The following BRD9 variants were observed in gnomAD, a reference collection of about 807,000 sequenced individuals.
BRD9 encodes bromodomain-containing protein 9.
A neutral mutation model predicts 68.7 loss-of-function variants in BRD9; 47 were observed. That is an observed-to-expected ratio of 0.68 (90% CI 0.54 to 0.87). The LOEUF is 0.87. Among genes scored for constraint, BRD9 ranks in the 40% least tolerant of loss-of-function variants. The probability of loss-of-function intolerance (pLI) is 0.00; values close to 1 mark genes in which losing one functional copy is unlikely to be tolerated. For missense variants in BRD9, 670 were observed against 748.4 expected, an observed-to-expected ratio of 0.90 and a Z score of 1.22; for synonymous variants, 313 against 293.9, an observed-to-expected ratio of 1.06 and a Z score of -0.67.
intron 12 of BRD9, among the ~76,000 whole-genome samples, chr5:873,696 G>A (rs967314573): frequency 6.6e-6 from 1 of 152,162 alleles, no homozygotes; most frequent in Non-Finnish European, 1.5e-5. Flanking sequence ...TCCTTTCTAT[G>A]ACAAAACCTC....
chr5:886,866 G>T, intron 6 of BRD9, 159 bp from the exon 7 acceptor site: 1 of 1,304,658 alleles, frequency 7.7e-7, no homozygotes, highest in Non-Finnish European at 1.0e-6. Context: ...AGCCTCACCT[G>T]GCCTAAGAGC....
Position 865,834 on chromosome 5 carries a change from G to A in BRD9, c.1526-253C>T, listed in dbSNP as rs557991832. 1.9e-3 allele frequency: 818 copies of A among 428,124 alleles called. 6 individuals carry two copies. The highest frequency in any genetic ancestry group is 0.015 in the African/African-American group (768 of 49,804). The allele number at this position is 428,124 out of a possible 1,614,324, so 26.5% of individuals were successfully genotyped here. On this transcript the variant is annotated intron_variant, in intron 14 of 15. Coordinates refer to ENST00000467963, the MANE Select transcript of BRD9 (RefSeq NM_023924.5). ...AAAGCATCAGACAAGACCTAGCACCGCACAGACCACGTCATGGCACGCACA... is the reference window on the plus strand; with the variant it reads ...AAAGCATCAGACAAGACCTAGCACCACACAGACCACGTCATGGCACGCACA...
At position 883,725 on chromosome 5, in the gene BRD9, T is replaced by C. The variant is rs1284186754; in HGVS notation, c.966+213A>G. ...GTGACCACGTGGCCTCCACGATGCA[T>C]GAAACACCAGCGGCAGCCCTGCCAG... is the stretch of plus-strand genomic sequence containing the variant. On this transcript the variant is annotated intron_variant, in intron 8 of 15. Coordinates refer to ENST00000467963, the MANE Select transcript of BRD9 (RefSeq NM_023924.5). The C allele has an allele frequency of 4.7e-6, 3 of 644,130 alleles. No homozygotes were observed. In the Admixed American group the frequency reaches 9.1e-5, roughly 20 times the overall value. The allele number at this position is 644,130 out of a possible 1,614,324, so 39.9% of individuals were successfully genotyped here.
chr5:873,598 C>T (rs544167763), intron 12 of BRD9, among the ~76,000 whole-genome samples: 1 of 152,346 alleles, frequency 6.6e-6, no homozygotes, highest in Admixed American at 6.5e-5. Context: ...CCCCGCTTTA[C>T]AAGCCTTGCC....
At chr5:878,597 C>G in intron 10 of BRD9, 110 bp from the exon 11 acceptor site, 1 of 1,454,930 alleles carries the variant, frequency 6.9e-7, no homozygotes. Flanking sequence ...AGCCAGCACC[C>G]CAGTCTCACC....
At position 891,052 on chromosome 5, in the gene BRD9, T is replaced by C. The variant is rs953335341; in HGVS notation, c.400+103A>G. 4.3e-6 allele frequency: 6 copies of C among 1,380,392 alleles called. No individual in the cohort carries two copies. The African/African-American group carries it at 8.8e-5, about 20-fold the overall frequency. The allele number at this position is 1,380,392 out of a possible 1,614,324, so 85.5% of individuals were successfully genotyped here. A position where few individuals can be genotyped will look rare whatever the true frequency, so the allele number is the denominator to read the frequency against. Reference sequence around the variant, plus strand: ...GAGGCCCTGGAAATACCAGCTCTCCTCCCTCCCATGCTTCTCCCCAAAGCA... The same window carrying C: ...GAGGCCCTGGAAATACCAGCTCTCCCCCCTCCCATGCTTCTCCCCAAAGCA... On this transcript the variant is annotated intron_variant, in intron 3 of 15. Coordinates refer to ENST00000467963, the MANE Select transcript of BRD9 (RefSeq NM_023924.5).
At chr5:892,497 C>G (rs1228018818) in intron 1 of BRD9, 109 bp downstream of exon 1, 2 of 1,473,372 alleles carry the variant, frequency 1.4e-6, no homozygotes, top group South Asian at 2.7e-5. Flanking sequence ...ACCCCTCCCT[C>G]GTGGCCAGGA....
intron 5 of BRD9, among the ~76,000 whole-genome samples, 173 bp downstream of exon 5, chr5:888,848 A>G (rs1034639165): frequency 3.3e-5 from 5 of 152,344 alleles, no homozygotes; most frequent in Admixed American, 3.3e-4. Context: ...AGCACAGAGA[A>G]AACGTTCACG....
intron 12 of BRD9, among the ~76,000 whole-genome samples, chr5:872,058 C>G (rs1386307864): frequency 6.6e-6 from 1 of 151,840 alleles, no homozygotes; most frequent in Non-Finnish European, 1.5e-5. Context: ...CTGCCGTGGG[C>G]GCAGGAGCGA....
intron 12 of BRD9, 120 bp from the exon 13 acceptor site, chr5:871,684 A>T (rs1283215928): frequency 1.1e-6 from 1 of 921,178 alleles, no homozygotes; most frequent in Admixed American, 1.7e-5. Flanking sequence ...TCTGCTCCCC[A>T]GTCACACCAT....
intron 7 of BRD9, among the ~76,000 whole-genome samples, chr5:885,502 A>G (rs1446110984): frequency 3.9e-5 from 6 of 152,226 alleles, no homozygotes; most frequent in African/African-American, 1.4e-4. Flanking sequence ...TGACCATCAC[A>G]ATTGCCTCAA....
In BRD9 at chr5:892,758, T is replaced by C; in HGVS notation, c.-101A>G. On this transcript the variant is annotated 5_prime_UTR_variant, in exon 1 of 16. Coordinates refer to ENST00000467963, the MANE Select transcript of BRD9 (RefSeq NM_023924.5). Reference sequence around the variant, plus strand: ...CCTGGCCCTGGCTGGCCGCCCGCGCTCGCTGCGCCGAGGTTGCCGAGCTCG... The same window carrying C: ...CCTGGCCCTGGCTGGCCGCCCGCGCCCGCTGCGCCGAGGTTGCCGAGCTCG... The C allele has an allele frequency of 1.7e-6, 2 of 1,164,224 alleles. No individual in the cohort carries two copies. Among genetic ancestry groups the C allele is most frequent in the Non-Finnish European group, 2.2e-6 (2 of 927,580 alleles). 72.1% of individuals were successfully genotyped at this position (1,164,224 alleles called of 1,614,324 possible). A position where few individuals can be genotyped will look rare whatever the true frequency, so the allele number is the denominator to read the frequency against.
At chr5:884,291 G>C (rs562728590) in intron 7 of BRD9, among the ~76,000 whole-genome samples, 6 of 152,244 alleles carry the variant, frequency 3.9e-5, no homozygotes, top group Admixed American at 1.3e-4. Flanking sequence ...TGTAAGCCAA[G>C]TAGACAGACT....
intron 12 of BRD9, among the ~76,000 whole-genome samples, chr5:872,938 A>ATG (rs1176928851): frequency 6.6e-6 from 1 of 152,178 alleles, no homozygotes; most frequent in African/African-American, 2.4e-5. Flanking sequence ...GCTGAGATGG[A>ATG]TGCATCATTT....
At chr5:882,618 C>G (rs1232749578) in intron 8 of BRD9, 1 of 162,428 alleles carries the variant, frequency 6.2e-6, no homozygotes, top group African/African-American at 2.5e-5. Context: ...AAACTCCCAA[C>G]AGGCGAGCCA....
intron 1 of BRD9, 53 bp downstream of exon 1, chr5:892,553 C>A: frequency 6.5e-7 from 1 of 1,527,432 alleles, no homozygotes; most frequent in Middle Eastern, 1.8e-4. Flanking sequence ...CGGAACTCCT[C>A]CCCCGTGCCC....
intron 1 of BRD9, chr5:892,059 G>A (rs1753507375): frequency 1.3e-6 from 1 of 789,480 alleles, no homozygotes; most frequent in Non-Finnish European, 1.9e-6. Flanking sequence ...GGGAGCTTCA[G>A]GTCCCTTTCG....
At chr5:892,489 C>CCCT (rs929788154) in intron 1 of BRD9, 117 bp downstream of exon 1, 1 of 1,464,936 alleles carries the variant, frequency 6.8e-7, no homozygotes, top group African/African-American at 1.5e-5. Context: ...TGCCCAGAAC[C>CCCT]CCTCCCTCGT....
At chr5:871,685 G>GA (rs1750150089) in intron 12 of BRD9, 121 bp from the exon 13 acceptor site, 1 of 917,340 alleles carries the variant, frequency 1.1e-6, no homozygotes, top group African/African-American at 1.6e-5. Context: ...CTGCTCCCCA[G>GA]TCACACCATC....
Sources: gnomAD v4.1 joint callset for allele counts (sites outside exome capture counted in the v4.1 genomes callset) on GRCh38, gnomAD v4.1.1 for gene constraint, MANE v1.5 for transcripts, NCBI Gene and HGNC (gene_info 2026-07-23, HGNC 2026-07-21) for gene names.